The following SRD5A2 variants were observed in gnomAD, a reference collection of about 807,000 sequenced individuals.
The protein encoded by SRD5A2 is steroid 5 alpha-reductase 2.
A neutral mutation model predicts 27.4 loss-of-function variants in SRD5A2; 30 were observed. The observed-to-expected ratio is 1.10, with a 90% confidence interval of 0.82 to 1.49. The LOEUF (loss-of-function observed/expected upper bound fraction) is 1.49. Ranked by LOEUF, SRD5A2 falls within the 40% of genes most tolerant of loss-of-function variation. The pLI is 0.00. For synonymous variants in SRD5A2, 141 were observed against 133.6 expected (o/e 1.06, Z -0.38); for missense variants, 348 against 323.4 (o/e 1.08, Z -0.58).
rs61748125 is a variant in SRD5A2 at position 31,529,445 on chromosome 2, G to A, written c.560C>T (p.Thr187Met). 30 of 1,613,184 alleles carry A rather than the reference G, an allele frequency of 1.9e-5. No homozygotes were observed. The East Asian group carries it at 2.9e-4, about 16-fold the overall frequency. Residue 187 changes from threonine to methionine, a missense_variant, in exon 4 of 5, where the codon ACG becomes ATG. Physicochemically the swap from Thr to Met is moderately conservative, Grantham distance 81. Transcript: ENST00000622030. ...GAGGAAATTGGCTCCAGAAACATAC[G>A]TAAACAAGCCACCTGCGTGCAGAAG... ...SYRIPQGGLF[T>M]YVSGANFLGE...
At chr2:31,585,726 G>A (rs1667165345), upstream of SRD5A2, among the ~76,000 whole-genome samples, 1 of 152,146 alleles carries the variant, frequency 6.6e-6, no homozygotes, top group South Asian at 2.1e-4. Context: ...CTCAGCCACA[G>A]GGAGGTAAAG....
chr2:31,659,655 A>G, the SRD5A2 span, among the ~76,000 whole-genome samples: 1 of 152,210 alleles, frequency 6.6e-6, no homozygotes, highest in East Asian at 1.9e-4. Flanking sequence ...AAAGACAGCT[A>G]CAAATCACTG....
intron 3 of SRD5A2, 29 bp downstream of exon 3, chr2:31,531,342 T>C: frequency 6.7e-7 from 1 of 1,490,208 alleles, no homozygotes; most frequent in Non-Finnish European, 9.2e-7. Flanking sequence ...CAGGGAAGAG[T>C]GAGAGTCTGG....
intron 1 of SRD5A2, among the ~76,000 whole-genome samples, chr2:31,541,751 G>A (rs1202409575): frequency 1.3e-5 from 2 of 152,168 alleles, no homozygotes; most frequent in Non-Finnish European, 2.9e-5. Context: ...ACATAGCACA[G>A]AGAGACAATC....
intron 4 of SRD5A2, chr2:31,527,666 C>T (rs2148061958): frequency 6.6e-6 from 1 of 152,464 alleles, no homozygotes. Context: ...CATTCCCGCT[C>T]TGCCTCTGGT....
In SRD5A2 at chr2:31,563,205, T is replaced by C. The variant is rs539202538; in HGVS notation, c.281+17415A>G. On this transcript the variant is annotated intron_variant, in intron 1 of 4. Transcript: ENST00000622030. The stretch of plus-strand genomic sequence containing the variant: ...AAGCATTACACGTCAAGCCTGAAGA[T>C]GGAAAGTTTGGGGAAAAAAACATGA... 2.0e-5 allele frequency: 3 copies of C among 152,118 alleles called. No individual in the cohort carries two copies. In the South Asian group the frequency reaches 6.2e-4, roughly 32 times the overall value. The allele number at this position is 152,118 out of a possible 1,614,324, so 9.4% of individuals were successfully genotyped here. A position where few individuals can be genotyped will look rare whatever the true frequency, so the allele number is the denominator to read the frequency against.
At chr2:31,612,384 A>G in the SRD5A2 span, among the ~76,000 whole-genome samples, 1 of 152,196 alleles carries the variant, frequency 6.6e-6, no homozygotes, top group South Asian at 2.1e-4. Context: ...ACTAACAGTG[A>G]ACTATCCAAA....
At chr2:31,528,958 G>A (rs955564305) in intron 4 of SRD5A2, among the ~76,000 whole-genome samples, 3 of 152,144 alleles carry the variant, frequency 2.0e-5, no homozygotes, top group Admixed American at 1.3e-4. Flanking sequence ...TGCCTGGTGG[G>A]CACAGAGCCT....
chr2:31,561,411 G>T (rs191031841), intron 1 of SRD5A2, among the ~76,000 whole-genome samples: 1,621 of 152,226 alleles, frequency 0.011, 12 homozygotes, highest in Admixed American at 0.034. Context: ...CTGGAAGACA[G>T]GGCAGCCACA....
Position 31,552,928 on chromosome 2 carries a change from C to T in SRD5A2, c.282-19162G>A, listed in dbSNP as rs192315375. ...AACAAATCTCCAGCAACCAACCCTACAGAAGTGGAGATCTTTTAGATGCCT... is the reference window on the plus strand; with the variant it reads ...AACAAATCTCCAGCAACCAACCCTATAGAAGTGGAGATCTTTTAGATGCCT... On this transcript the variant is annotated intron_variant, in intron 1 of 4. Coordinates refer to ENST00000622030, the MANE Select transcript of SRD5A2 (RefSeq NM_000348.4). Among the ~76,000 whole-genome samples, 20 of 152,238 alleles carry T rather than the reference C, an allele frequency of 1.3e-4. No individual in the cohort carries two copies. In the Middle Eastern group the frequency reaches 0.014, roughly 104 times the overall value.
the SRD5A2 span, among the ~76,000 whole-genome samples, chr2:31,586,119 G>T: frequency 6.6e-6 from 1 of 152,104 alleles, no homozygotes; most frequent in Non-Finnish European, 1.5e-5. Flanking sequence ...TCTTAGTGGT[G>T]ATTTCTGAGA....
At chr2:31,543,121 T>G (rs1643952702) in intron 1 of SRD5A2, among the ~76,000 whole-genome samples, 2 of 152,152 alleles carry the variant, frequency 1.3e-5, no homozygotes, top group Non-Finnish European at 2.9e-5. Context: ...ATCAGAAATT[T>G]TAGAGATAAG....
At chr2:31,546,310 A>G (rs912161045) in intron 1 of SRD5A2, among the ~76,000 whole-genome samples, 8 of 152,208 alleles carry the variant, frequency 5.3e-5, no homozygotes, top group African/African-American at 1.7e-4. Context: ...AAATCTTACT[A>G]AAAACTATAG....
At chr2:31,610,969 C>A in the SRD5A2 span, among the ~76,000 whole-genome samples, 6 of 151,952 alleles carry the variant, frequency 3.9e-5, no homozygotes, top group African/African-American at 1.5e-4. Flanking sequence ...ATTAGCCAGG[C>A]CTGGTGGCGA....
At chr2:31,595,990 G>C in the SRD5A2 span, among the ~76,000 whole-genome samples, 1 of 152,060 alleles carries the variant, frequency 6.6e-6, no homozygotes. Context: ...AAAAGCATTT[G>C]ACAAAACCCA....
chr2:31,580,516 C>T, intron 1 of SRD5A2, 104 bp downstream of exon 1: 2 of 1,359,646 alleles, frequency 1.5e-6, no homozygotes, highest in South Asian at 3.1e-5. Flanking sequence ...CAGCGCCCCA[C>T]GCTGCCTCCT....
the SRD5A2 span, among the ~76,000 whole-genome samples, chr2:31,627,145 T>A: frequency 1.4e-3 from 216 of 152,304 alleles, no homozygotes; most frequent in African/African-American, 5.0e-3. Flanking sequence ...TTTATTTGCA[T>A]ATAAGTATTT....
intron 1 of SRD5A2, among the ~76,000 whole-genome samples, chr2:31,538,711 G>C (rs1022557659): frequency 2.1e-4 from 32 of 152,142 alleles, no homozygotes; most frequent in Admixed American, 3.3e-4. Flanking sequence ...TCAAATGTTA[G>C]CTTCCCTGAC....
chr2:31,544,426 A>G (rs948013001), intron 1 of SRD5A2, among the ~76,000 whole-genome samples: 2 of 151,968 alleles, frequency 1.3e-5, no homozygotes, highest in African/African-American at 4.8e-5. Flanking sequence ...TAAATATGTG[A>G]AAATTTTAAA....
Sources: allele counts gnomAD v4.1 joint callset (sites outside exome capture counted in the v4.1 genomes callset), GRCh38; gene constraint gnomAD v4.1.1; transcripts MANE v1.5; gene names NCBI Gene and HGNC (gene_info 2026-07-23, HGNC 2026-07-21).